PHF11: variants seen among roughly 807,000 people sequenced by gnomAD.
The protein encoded by PHF11 is BRCA1 C-terminus-associated protein.
In PHF11, 38 loss-of-function variants were observed where a neutral mutation model predicts 40.5. That is an observed-to-expected ratio of 0.94 (90% CI 0.72 to 1.23). PHF11 has a LOEUF of 1.23. Ranked by LOEUF, PHF11 falls within the 50% of genes most tolerant of loss-of-function variation. The pLI is 0.00. For missense variants in PHF11, 369 were observed against 392.4 expected (o/e 0.94, Z 0.50); for synonymous variants, 127 against 138.2 (o/e 0.92, Z 0.57).
intron 3 of PHF11, 21 bp from the exon 4 acceptor site, chr13:49,517,997 G>C: frequency 7.6e-7 from 1 of 1,314,408 alleles, no homozygotes; most frequent in Non-Finnish European, 1.1e-6. Context: ...TACTTACTCA[G>C]TAAAATCTAT....
chr13:49,508,605 A>C (rs1171518107), intron 2 of PHF11, among the ~76,000 whole-genome samples: 1 of 151,670 alleles, frequency 6.6e-6, no homozygotes, highest in Non-Finnish European at 1.5e-5. Context: ...AGTATATATA[A>C]ACACTATTTA....
intron 1 of PHF11, among the ~76,000 whole-genome samples, chr13:49,499,646 G>T (rs1430603039): frequency 6.6e-6 from 1 of 152,220 alleles, no homozygotes; most frequent in Non-Finnish European, 1.5e-5. Context: ...AATGTCTACT[G>T]TTTTGGTCTG....
Position 49,501,058 on chromosome 13 carries a change from G to C in PHF11, c.94+4963G>C, listed in dbSNP as rs116589108. ...AATGGAGTTTTGTTCTCATCGCCTA[G>C]GCTGGAGTGCAATGGTGCGATCTCG... On this transcript the variant is annotated intron_variant, in intron 1 of 9. Transcript: ENST00000378319. Among the ~76,000 whole-genome samples, 782 of 135,260 alleles carry C rather than the reference G, an allele frequency of 5.8e-3. 6 individuals carry two copies. Among genetic ancestry groups the C allele is most frequent in the African/African-American group, 0.02 (716 of 35,760 alleles). 88.7% of individuals were successfully genotyped at this position (135,260 alleles called of 152,430 possible).
chr13:49,512,260 TAAA>T (rs1959090794), intron 2 of PHF11, among the ~76,000 whole-genome samples: 1 of 152,248 alleles, frequency 6.6e-6, no homozygotes, highest in Non-Finnish European at 1.5e-5. Flanking sequence ...AAGTGTTTTC[TAAA>T]ATCTGGATAC....
intron 1 of PHF11, among the ~76,000 whole-genome samples, chr13:49,505,116 AAAAT>A (rs1386569797): frequency 2.7e-5 from 4 of 149,952 alleles, no homozygotes; most frequent in Non-Finnish European, 5.9e-5. Flanking sequence ...AATAAATAAA[AAAAT>A]AATAAAAAAA....
chr13:49,527,873 T>A (rs1321023149), intron 9 of PHF11, among the ~76,000 whole-genome samples: 1 of 152,216 alleles, frequency 6.6e-6, no homozygotes, highest in Admixed American at 6.5e-5. Context: ...TTGCTTAATT[T>A]AGCCTTACTC....
Position 49,496,147 on chromosome 13 carries a change from G to A in PHF11, c.94+52G>A, listed in dbSNP as rs560232099. The A allele has an allele frequency of 5.9e-5, 61 of 1,038,210 alleles. No individual in the cohort carries two copies. In the African/African-American group the frequency reaches 9.3e-4, roughly 16 times the overall value. 64.3% of individuals were successfully genotyped at this position (1,038,210 alleles called of 1,614,324 possible). ...GGCGGGCGGGGCTGGGCAGCGACGGGCCCGGTCAAGGGGCCTGCCTTCCGG... is the reference window on the plus strand; with the variant it reads ...GGCGGGCGGGGCTGGGCAGCGACGGACCCGGTCAAGGGGCCTGCCTTCCGG... On this transcript the variant is annotated intron_variant, in intron 1 of 9. Transcript: ENST00000378319.
At chr13:49,503,326 G>A (rs906596891) in intron 1 of PHF11, among the ~76,000 whole-genome samples, 13 of 152,134 alleles carry the variant, frequency 8.5e-5, no homozygotes, top group African/African-American at 2.9e-4. Flanking sequence ...GCACTTCCTC[G>A]GCTACCTCCT....
chr13:49,522,921 C>T (rs1245811307), intron 6 of PHF11, among the ~76,000 whole-genome samples: 28 of 151,844 alleles, frequency 1.8e-4, no homozygotes, highest in Admixed American at 1.6e-3. Context: ...TGCACCACCA[C>T]GCCTGGCTAA....
chr13:49,526,513 A>C, intron 9 of PHF11, 55 bp downstream of exon 9: 2 of 926,956 alleles, frequency 2.2e-6, no homozygotes, highest in Non-Finnish European at 3.6e-6. Flanking sequence ...ATTTATCACG[A>C]TATTGAAACA....
chr13:49,521,819 A>G (rs1332441792), intron 5 of PHF11: 1 of 311,474 alleles, frequency 3.2e-6, no homozygotes. Flanking sequence ...AGAGTTCCCC[A>G]TGTGCCAATT....
At chr13:49,504,866 A>G (rs1475693850) in intron 1 of PHF11, among the ~76,000 whole-genome samples, 5 of 150,604 alleles carry the variant, frequency 3.3e-5, no homozygotes, top group African/African-American at 9.7e-5. Context: ...TTTGTTCTGT[A>G]CTAAGAAAAA....
intron 2 of PHF11, among the ~76,000 whole-genome samples, chr13:49,512,431 C>T (rs964720158): frequency 9.2e-5 from 14 of 152,198 alleles, no homozygotes; most frequent in African/African-American, 3.1e-4. Flanking sequence ...AAATCTTCGC[C>T]TATGCCAATG....
chr13:49,525,942 G>C, intron 8 of PHF11: 3 of 364,400 alleles, frequency 8.2e-6, no homozygotes, highest in South Asian at 6.2e-5. Flanking sequence ...CCCGAGGTGA[G>C]TGGATCATCT....
At chr13:49,509,504 C>T (rs981847795) in intron 2 of PHF11, among the ~76,000 whole-genome samples, 1 of 152,150 alleles carries the variant, frequency 6.6e-6, no homozygotes, top group African/African-American at 2.4e-5. Flanking sequence ...AGTCACTGTG[C>T]CCAGCCTTTA....
At chr13:49,525,947 T>A (rs1017792857) in intron 8 of PHF11, 13 of 353,148 alleles carry the variant, frequency 3.7e-5, no homozygotes, top group African/African-American at 2.8e-4. Context: ...GGTGAGTGGA[T>A]CATCTGTGGT....
At position 49,508,343 on chromosome 13, in the gene PHF11, A is replaced by C. The variant is rs866268514; in HGVS notation, c.216+1587A>C. Among the ~76,000 whole-genome samples the C allele has an allele frequency of 7.2e-3, 983 of 137,190 alleles. 12 individuals are homozygous for C. Among genetic ancestry groups the C allele is most frequent in the African/African-American group, 0.024 (835 of 35,028 alleles). The allele number at this position is 137,190 out of a possible 152,430, so 90.0% of individuals were successfully genotyped here. The stretch of plus-strand genomic sequence containing the variant: ...TAATATATTACTATATTCATATATT[A>C]CTATATTCATATATTCATATATAAT... On this transcript the variant is annotated intron_variant, in intron 2 of 9. Transcript: ENST00000378319.
Position 49,506,663 on chromosome 13 carries a change from A to G in PHF11, c.123A>G (p.Glu41=). Residue 41 remains glutamate (E), a synonymous_variant, in exon 2 of 10, where the codon GAA becomes GAG. Coordinates refer to ENST00000378319, the MANE Select transcript of PHF11 (RefSeq NM_001040443.3). ...TGVFQVAEKM[E]KRTCALCPKD... ...TCTTTCAGGTTGCAGAAAAGATGGA[A>G]AAAAGGACATGTGCACTCTGCCCCA... 6.2e-7 allele frequency: 1 copy of G among 1,613,016 alleles called. No individual in the cohort carries two copies. Among genetic ancestry groups the G allele is most frequent in the Non-Finnish European group, 8.5e-7 (1 of 1,179,142 alleles).
rs774435038 is a variant in PHF11, at chr13:49,518,128, TGATGGAGTTCGAG to T, written c.438_450del (p.Asp146GlufsTer25). 3 of 1,603,630 alleles carry T rather than the reference TGATGGAGTTCGAG, an allele frequency of 1.9e-6. No individual in the cohort carries two copies. The South Asian group carries it at 3.4e-5, about 18-fold the overall frequency. The stretch of plus-strand genomic sequence containing the variant: ...AGAAGGACGACGCAGTTCCACAGTC[TGATGGAGTTCGAG>T]GAATTTATAAGTATTTAATAAAACA... On this transcript the variant is annotated frameshift_variant, in exon 4 of 10. Coordinates refer to ENST00000378319, the MANE Select transcript of PHF11 (RefSeq NM_001040443.3). LOFTEE classifies it high-confidence loss of function.
Sources: gnomAD v4.1 joint callset for allele counts (sites outside exome capture counted in the v4.1 genomes callset) on GRCh38, gnomAD v4.1.1 for gene constraint, MANE v1.5 for transcripts, NCBI Gene and HGNC (gene_info 2026-07-23, HGNC 2026-07-21) for gene names.